ATG9B: variants seen among roughly 807,000 people sequenced by gnomAD.
The protein encoded by ATG9B is autophagy-related protein 9B.
In ATG9B, 92 loss-of-function variants were observed where a neutral mutation model predicts 92.9. That is an observed-to-expected ratio of 0.99 (90% CI 0.84 to 1.18). The LOEUF (loss-of-function observed/expected upper bound fraction) is 1.18, where lower values mean the gene tolerates loss of function less well. Among genes scored for constraint, ATG9B ranks in the 50% most tolerant of loss-of-function variants. The pLI, the probability that ATG9B is intolerant of heterozygous loss-of-function variation, is 0.00. For missense variants in ATG9B, 1,344 were observed against 1,235.0 expected (o/e 1.09, Z -1.32); for synonymous variants, 599 against 551.4 (o/e 1.09, Z -1.21).
Position 151,023,918 on chromosome 7 carries a change from C to T in ATG9B, c.506G>A (p.Gly169Glu), listed in dbSNP as rs969713819. Residue 169 changes from glycine (G) to glutamate (E), a missense_variant, in exon 1 of 14, where the codon GGG (glycine) becomes GAG (glutamate). Gly to Glu is a moderately conservative substitution (Grantham distance 98, BLOSUM62 -2). Coordinates refer to ENST00000639579, the MANE Select transcript of ATG9B (RefSeq NM_001317056.2). The stretch of plus-strand genomic sequence containing the variant: ...ATGAAGCAGGGGTTGCTGCTCCTCC[C>T]CGTGGATGGGTGAGTCTTGGGACCC... ...PEGSQDSPIHGEEQQPLLHVP... is the reference protein window; with the variant it reads ...PEGSQDSPIHEEEQQPLLHVP... The T allele has an allele frequency of 8.1e-6, 13 of 1,601,178 alleles. No homozygotes were observed. Among genetic ancestry groups the T allele is most frequent in the Non-Finnish European group, 1.1e-5 (13 of 1,174,264 alleles).
In ATG9B at chr7:151,018,298, C is replaced by A. The variant is rs1463213075; in HGVS notation, c.1868G>T (p.Arg623Leu). 54 of 1,554,136 alleles carry A rather than the reference C, an allele frequency of 3.5e-5. No individual in the cohort carries two copies. The highest frequency in any genetic ancestry group is 4.6e-5 in the Non-Finnish European group (53 of 1,159,122). Residue 623 changes from arginine (R) to leucine (L), a missense_variant, in exon 7 of 14, where the codon CGA becomes CTA. Transcript: ENST00000639579. The surrounding 1 kb of genome is among the most constrained non-coding windows in gnomAD (Gnocchi z 4.7). ...YRQMAQLLQY[R>L]AVSLLEELLS... is the part of the protein sequence containing the mutation. ...CGCCGTCGCGCCCACCCTCACCGCT[C>A]GGTACTGCAGCAGCTGCGCCATCTG... is the stretch of plus-strand genomic sequence containing the variant.
At position 151,019,160 on chromosome 7, in the gene ATG9B, C is replaced by A; in HGVS notation, c.1178G>T (p.Ser393Ile). The A allele has an allele frequency of 6.5e-7, 1 of 1,536,340 alleles. No individual in the cohort carries two copies. Residue 393 changes from serine to isoleucine, a missense_variant, in exon 6 of 14, where the codon AGC becomes ATC. Physicochemically the swap from Ser to Ile is moderately radical, Grantham distance 142. Coordinates refer to ENST00000639579, the MANE Select transcript of ATG9B (RefSeq NM_001317056.2). ...GTCGACATTGAGCGCCAGGCCGCGG[C>A]TGAGGAAAGCCGCACTGCCTCCCCA... ...LPWGGSAAFL[S>I]RGLALNVDLL...
At position 151,018,456 on chromosome 7, in the gene ATG9B, C is replaced by T. The variant is rs1795602411; in HGVS notation, c.1719-9G>A. The T allele has an allele frequency of 1.3e-6, 2 of 1,521,152 alleles. No homozygotes were observed. The highest frequency in any genetic ancestry group is 4.3e-5 in the Admixed American group (2 of 46,344). The allele number at this position is 1,521,152 out of a possible 1,614,324, so 94.2% of individuals were successfully genotyped here. A position where few individuals can be genotyped will look rare whatever the true frequency, so the allele number is the denominator to read the frequency against. ...CTTCCGGAATGAAAGACCTGAAAGGCGGGATCCGTGGGGGGAAGGGGCCTG... is the reference window on the plus strand; with the variant it reads ...CTTCCGGAATGAAAGACCTGAAAGGTGGGATCCGTGGGGGGAAGGGGCCTG... On this transcript the variant is annotated splice_polypyrimidine_tract_variant and intron_variant, in intron 6 of 13. Transcript: ENST00000639579. The surrounding 1 kb of genome is among the most constrained non-coding windows in gnomAD (Gnocchi z 4.7).
chr7:151,018,819 A>G lies in ATG9B; in HGVS notation c.1519T>C (p.Tyr507His). ...HELRARLARAYRPAAAFLRTA... is the reference protein window; with the variant it reads ...HELRARLARAHRPAAAFLRTA... ...CGCAGGAAGGCGGCGGCGGGGCGGTAGGCGCGGGCCAGGCGCGCGCGCAGC... is the reference window on the plus strand; with the variant it reads ...CGCAGGAAGGCGGCGGCGGGGCGGTGGGCGCGGGCCAGGCGCGCGCGCAGC... Residue 507 changes from tyrosine to histidine, a missense_variant, in exon 6 of 14, where the codon TAC becomes CAC. Physicochemically the swap from Tyr to His is moderately conservative, Grantham distance 83. Coordinates refer to ENST00000639579, the MANE Select transcript of ATG9B (RefSeq NM_001317056.2). This position sits in a 1 kb window ranked among gnomAD's most constrained non-coding sequence, Gnocchi z 4.7. 7.7e-7 allele frequency: 1 copy of G among 1,290,414 alleles called. No homozygotes were observed. Among genetic ancestry groups the G allele is most frequent in the Admixed American group, 4.2e-5 (1 of 23,666 alleles). 79.9% of individuals were successfully genotyped at this position (1,290,414 alleles called of 1,614,324 possible).
Position 151,023,165 on chromosome 7 carries a change from C to G in ATG9B, c.701G>C (p.Arg234Pro), listed in dbSNP as rs757593669. 1.5e-5 allele frequency: 24 copies of G among 1,614,090 alleles called. No individual in the cohort carries two copies. The highest frequency in any genetic ancestry group is 2.2e-5 in the East Asian group (1 of 44,870). ...FIVTFTTFLL[R>P]CVDYNVLFAN... The stretch of plus-strand genomic sequence containing the variant: ...AAAGAGAACATTGTAATCCACGCAT[C>G]GAAGGAGGAAGGTTGTGAAGGTGAC... The change falls in exon 4 of 14, where the codon CGA (arginine) becomes CCA (proline). Residue 234 changes from arginine (R) to proline (P), a missense_variant. Coordinates refer to ENST00000639579, the MANE Select transcript of ATG9B (RefSeq NM_001317056.2).
Position 151,018,390 on chromosome 7 carries a change from T to C in ATG9B, c.1776A>G (p.Thr592=). ...QGRAPQLLLQ[T]ALAHMHYLPE... is the part of the protein sequence containing the mutation. The stretch of plus-strand genomic sequence containing the variant: ...GGAGGTAGTGCATGTGGGCCAGGGC[T>C]GTCTGCAGCAGGAGCTGCGGCGCAC... Residue 592 remains threonine (T), a synonymous_variant, in exon 7 of 14, where the codon ACA becomes ACG. Transcript: ENST00000639579. This position sits in a 1 kb window ranked among gnomAD's most constrained non-coding sequence, Gnocchi z 4.7. The C allele has an allele frequency of 1.3e-6, 2 of 1,581,940 alleles. No individual in the cohort carries two copies. The highest frequency in any genetic ancestry group is 1.7e-6 in the Non-Finnish European group (2 of 1,166,198).
At chr7:151,021,101 C>G (rs2117170461) in intron 5 of ATG9B, 87 bp downstream of exon 5, 1 of 1,502,850 alleles carries the variant, frequency 6.7e-7, no homozygotes, top group Middle Eastern at 2.1e-4. Flanking sequence ...CCAGTTGGCC[C>G]TTCCACCTGT....
chr7:151,016,247 G>A lies in ATG9B; in HGVS notation c.2521-12C>T, dbSNP rs1415914851. 5 of 1,487,290 alleles carry A rather than the reference G, an allele frequency of 3.4e-6. No homozygotes were observed. Among genetic ancestry groups the A allele is most frequent in the Non-Finnish European group, 4.5e-6 (5 of 1,115,778 alleles). 92.1% of individuals were successfully genotyped at this position (1,487,290 alleles called of 1,614,324 possible). The stretch of plus-strand genomic sequence containing the variant: ...TGCTGCTGGTGAAGCTGCATGGAAA[G>A]GAGGAGGAATGAGGGCTGCACCCCA... On this transcript the variant is annotated splice_polypyrimidine_tract_variant and intron_variant, in intron 11 of 13. Coordinates refer to ENST00000639579, the MANE Select transcript of ATG9B (RefSeq NM_001317056.2).
chr7:151,013,155 G>A (rs1450453292), downstream of ATG9B: 4 of 1,500,482 alleles, frequency 2.7e-6, no homozygotes, highest in Admixed American at 4.0e-5. Context: ...CAGGCTGGGC[G>A]ACGGTGGCCT....
chr7:151,022,996 A>G (rs373138044), intron 4 of ATG9B, 49 bp downstream of exon 4: 6 of 1,611,918 alleles, frequency 3.7e-6, no homozygotes, highest in Non-Finnish European at 5.1e-6. Context: ...CTACTCCTCT[A>G]CCCACTGCCC....
chr7:151,021,082 G>A, intron 5 of ATG9B, 106 bp downstream of exon 5: 2 of 1,354,998 alleles, frequency 1.5e-6, no homozygotes, highest in Non-Finnish European at 2.1e-6. Flanking sequence ...CGCTCTTTCT[G>A]CCCTCTTTCC....
chr7:151,020,080 ACT>A (rs1795691732), intron 5 of ATG9B: 1 of 152,266 alleles, frequency 6.6e-6, no homozygotes, highest in Admixed American at 6.6e-5. Flanking sequence ...GCACCCACCA[ACT>A]CTGGAACAGA....
At position 151,018,602 on chromosome 7, in the gene ATG9B, G is replaced by C. The variant is rs1194107705; in HGVS notation, c.1718+18C>G. On this transcript the variant is annotated intron_variant, in intron 6 of 13. Transcript: ENST00000639579. The surrounding 1 kb of genome is among the most constrained non-coding windows in gnomAD (Gnocchi z 4.7). ...AGAAACCAACACACACCACCACCCC[G>C]GGCATCTGCCGTCGCACCTGGCGAC... 6.3e-7 allele frequency: 1 copy of C among 1,592,442 alleles called. No individual in the cohort carries two copies. Among genetic ancestry groups the C allele is most frequent in the Non-Finnish European group, 8.5e-7 (1 of 1,174,386 alleles).
In ATG9B at chr7:151,016,722, G is replaced by A; in HGVS notation, c.2389C>T (p.Leu797Phe). The A allele has an allele frequency of 6.2e-7, 1 of 1,610,128 alleles. No individual in the cohort carries two copies. The highest frequency in any genetic ancestry group is 8.5e-7 in the Non-Finnish European group (1 of 1,178,128). The stretch of plus-strand genomic sequence containing the variant: ...TGGGCAATTCGGGAAATGGAGGCAA[G>A]GAGGCTGGCTGTGGCCGCAGCTGGA... ...PCPAAATASL[L>F]ASISRIAQDP... Residue 797 changes from leucine to phenylalanine, a missense_variant, in exon 10 of 14, where the codon CTT becomes TTT. Physicochemically the swap from Leu to Phe is conservative, Grantham distance 22 (BLOSUM62 0). Transcript: ENST00000639579.
At chr7:151,016,660 C>G (rs371053466) in intron 10 of ATG9B, 28 bp downstream of exon 10, 2 of 1,553,758 alleles carry the variant, frequency 1.3e-6, no homozygotes, top group South Asian at 2.4e-5. Flanking sequence ...CCTCCACATG[C>G]CCCTGCATCT....
chr7:151,017,746 G>A lies in ATG9B; in HGVS notation c.2052+125C>T, dbSNP rs999240734. 3.3e-6 allele frequency: 4 copies of A among 1,201,920 alleles called. No individual in the cohort carries two copies. In the Admixed American group the frequency reaches 8.6e-5, roughly 26 times the overall value. The allele number at this position is 1,201,920 out of a possible 1,614,324, so 74.5% of individuals were successfully genotyped here. On this transcript the variant is annotated intron_variant, in intron 8 of 13. Coordinates refer to ENST00000639579, the MANE Select transcript of ATG9B (RefSeq NM_001317056.2). ...ACGAGGGCACGAGAGCACAGGAAGG[G>A]AAGTGACCCGCTCAACGGCACAGGT...
chr7:151,013,866 C>G, downstream of ATG9B: 1 of 1,603,366 alleles, frequency 6.2e-7, no homozygotes, highest in Non-Finnish European at 8.5e-7. Context: ...ATCCTGGCGA[C>G]GGAGGGCGAC....
rs752526823 is a variant in ATG9B at position 151,021,279 on chromosome 7, A to C, written c.872T>G (p.Phe291Cys). 2 of 1,613,350 alleles carry C rather than the reference A, an allele frequency of 1.2e-6. No homozygotes were observed. ...TGAGCGAAGCAGTTGGACCAGCCAG[A>C]AGCCGGCAGCCAGGACCAGGAGGAG... ...LVLLLVLAAG[F>C]WLVQLLRSVC... Residue 291 changes from phenylalanine (F) to cysteine (C), a missense_variant, in exon 5 of 14, where the codon TTC (phenylalanine) becomes TGC (cysteine). Phe to Cys is a radical substitution (Grantham distance 205, BLOSUM62 -2). Transcript: ENST00000639579.
chr7:151,019,215 C>T lies in ATG9B; in HGVS notation c.1123G>A (p.Gly375Ser), dbSNP rs1268879113. 1 of 1,542,970 alleles carries T rather than the reference C, an allele frequency of 6.5e-7. No homozygotes were observed. Reference protein sequence around the residue: ...TNYQVALANKGLLPARCPLPW... With the variant: ...TNYQVALANKSLLPARCPLPW... ...AGCGGGCAGCGGGCCGGCAGCAGGC[C>T]TTTGTTGGCCAGCGCCACCTGGTAG... The change falls in exon 6 of 14, where the codon GGC (glycine) becomes AGC (serine). Residue 375 changes from glycine (G) to serine (S), a missense_variant. Coordinates refer to ENST00000639579, the MANE Select transcript of ATG9B (RefSeq NM_001317056.2).
Sources: allele counts gnomAD v4.1 joint callset, GRCh38; gene constraint gnomAD v4.1.1; non-coding constraint Gnocchi (gnomAD v3.1); transcripts MANE v1.5; gene names NCBI Gene and HGNC (gene_info 2026-07-23, HGNC 2026-07-21).